The following PLD5 variants were observed in gnomAD, a reference collection of about 807,000 sequenced individuals.
PLD5 encodes the protein inactive phospholipase D5.
In PLD5, 36 loss-of-function variants were observed where a neutral mutation model predicts 61.1. The observed-to-expected ratio is 0.59, with a 90% confidence interval of 0.45 to 0.78. The LOEUF is 0.78. PLD5 is among the 30% of genes least tolerant of loss of function. The probability of loss-of-function intolerance (pLI) is 0.00; values close to 1 mark genes in which losing one functional copy is unlikely to be tolerated. For synonymous variants in PLD5, 243 were observed against 242.8 expected (o/e 1.00, Z -0.01); for missense variants, 515 against 644.4 (o/e 0.80, Z 2.17).
At chr1:242,450,302 G>A (rs1330813457) in intron 1 of PLD5, among the ~76,000 whole-genome samples, 5 of 152,068 alleles carry the variant, frequency 3.3e-5, no homozygotes, top group Non-Finnish European at 7.4e-5. Flanking sequence ...CCTTTCCTTC[G>A]CCACCTGTAA....
At chr1:242,458,614 G>A (rs927584178) in intron 1 of PLD5, among the ~76,000 whole-genome samples, 1 of 152,136 alleles carries the variant, frequency 6.6e-6, no homozygotes, top group African/African-American at 2.4e-5. Flanking sequence ...CTCAAAATAT[G>A]TATACTATCT....
At position 242,263,810 on chromosome 1, in the gene PLD5, A is replaced by T. The variant is rs549605224; in HGVS notation, c.607+1527T>A. On this transcript the variant is annotated intron_variant, in intron 4 of 9. Coordinates refer to ENST00000536534, the MANE Select transcript of PLD5 (RefSeq NM_001372062.1). ...CAATAGAAATGTAAACCAGGCCTTT[A>T]TTCGTGCATTTGTCAATCACTATTT... 2.0e-5 allele frequency among the ~76,000 whole-genome samples: 3 copies of T among 152,352 alleles called. No individual in the cohort carries two copies. The South Asian group carries it at 6.2e-4, about 32-fold the overall frequency.
At chr1:242,191,990 C>T (rs934549677) in intron 5 of PLD5, among the ~76,000 whole-genome samples, 9 of 152,210 alleles carry the variant, frequency 5.9e-5, no homozygotes, top group African/African-American at 2.2e-4. Context: ...CACTGCCAAA[C>T]AGGCAGACAG....
At chr1:242,497,769 C>A (rs1177213401) in intron 1 of PLD5, among the ~76,000 whole-genome samples, 1 of 152,214 alleles carries the variant, frequency 6.6e-6, no homozygotes, top group East Asian at 1.9e-4. Context: ...TGTGTCTCTT[C>A]ATTCAAGAAT....
rs77411136 is a variant in PLD5, at chr1:242,505,289, A to C, written c.189+18799T>G. On this transcript the variant is annotated intron_variant, in intron 1 of 9. Transcript: ENST00000536534. ...TATTCTGTTTTAAAGAGGACACAGC[A>C]ATGAGGAAATGGGTTTATTTGTAAC... Among the ~76,000 whole-genome samples the C allele has an allele frequency of 8.3e-3, 1,260 of 152,360 alleles. 20 individuals are homozygous for C. Among genetic ancestry groups the C allele is most frequent in the African/African-American group, 0.029 (1,189 of 41,590 alleles).
intron 1 of PLD5, among the ~76,000 whole-genome samples, chr1:242,513,017 A>G (rs771498774): frequency 6.6e-6 from 1 of 152,044 alleles, no homozygotes; most frequent in Non-Finnish European, 1.5e-5. Flanking sequence ...GACTACAGGC[A>G]TATAGACACG....
At chr1:242,376,296 G>C (rs879073355) in intron 1 of PLD5, among the ~76,000 whole-genome samples, 2 of 152,118 alleles carry the variant, frequency 1.3e-5, no homozygotes, top group Admixed American at 1.3e-4. Flanking sequence ...CGAGCAACCT[G>C]CAAGACTGCT....
intron 7 of PLD5, among the ~76,000 whole-genome samples, chr1:242,111,016 C>A (rs538482928): frequency 8.6e-5 from 13 of 151,562 alleles, no homozygotes; most frequent in African/African-American, 3.1e-4. Context: ...AGAAAGAGAG[C>A]TTGATTGCTA....
chr1:242,466,289 T>A (rs776609585), intron 1 of PLD5, among the ~76,000 whole-genome samples: 1 of 152,176 alleles, frequency 6.6e-6, no homozygotes, highest in Non-Finnish European at 1.5e-5. Context: ...AGCGCTGGCA[T>A]ACAGGAGATA....
At chr1:242,446,981 C>T (rs1276107708) in intron 1 of PLD5, among the ~76,000 whole-genome samples, 1 of 152,174 alleles carries the variant, frequency 6.6e-6, no homozygotes, top group African/African-American at 2.4e-5. Context: ...AAGCACAGAA[C>T]TCTGTGTGCC....
At chr1:242,189,444 T>TTA (rs1668104875) in intron 5 of PLD5, among the ~76,000 whole-genome samples, 1 of 42,860 alleles carries the variant, frequency 2.3e-5, no homozygotes, top group East Asian at 7.0e-4. Context: ...AGACTCCATC[T>TTA]CAAAAAAAAA....
intron 5 of PLD5, among the ~76,000 whole-genome samples, chr1:242,184,525 C>T (rs944709582): frequency 1.1e-4 from 16 of 152,120 alleles, no homozygotes; most frequent in South Asian, 6.2e-4. Flanking sequence ...CCCACCGCAA[C>T]GCCTGGTTAA....
chr1:242,436,035 A>G (rs1170907983), intron 1 of PLD5, among the ~76,000 whole-genome samples: 1 of 152,160 alleles, frequency 6.6e-6, no homozygotes, highest in African/African-American at 2.4e-5. Flanking sequence ...AGAGTATCCA[A>G]TAGCCTTCCC....
At chr1:242,296,116 C>T (rs527435197) in intron 2 of PLD5, among the ~76,000 whole-genome samples, 19 of 152,264 alleles carry the variant, frequency 1.2e-4, no homozygotes, top group African/African-American at 4.3e-4. Context: ...CAGTGACATG[C>T]TGTGCTCAAT....
At chr1:242,472,959 T>C (rs568295505) in intron 1 of PLD5, among the ~76,000 whole-genome samples, 1 of 152,162 alleles carries the variant, frequency 6.6e-6, no homozygotes, top group East Asian at 1.9e-4. Context: ...TTTTATTTTA[T>C]TTTCTTAATC....
chr1:242,194,356 T>C (rs1478171791), intron 5 of PLD5, among the ~76,000 whole-genome samples: 1 of 152,124 alleles, frequency 6.6e-6, no homozygotes, highest in East Asian at 1.9e-4. Context: ...TGGAAAACAG[T>C]GTGGAGATTC....
chr1:242,425,472 G>A (rs1283540472), intron 1 of PLD5, among the ~76,000 whole-genome samples: 2 of 152,140 alleles, frequency 1.3e-5, no homozygotes, highest in African/African-American at 4.8e-5. Flanking sequence ...TGCAGGACCG[G>A]AAGTTGCTCT....
At chr1:242,387,803 G>A (rs2028339) in intron 1 of PLD5, among the ~76,000 whole-genome samples, 133,018 of 151,158 alleles carry the variant, frequency 0.88, 58,879 homozygotes, top group Non-Finnish European at 0.93. Context: ...ACAGGAATTA[G>A]AAGGTAGCAA....
chr1:242,498,216 G>T (rs1668438076), intron 1 of PLD5, among the ~76,000 whole-genome samples: 1 of 152,180 alleles, frequency 6.6e-6, no homozygotes, highest in Non-Finnish European at 1.5e-5. Context: ...GCCCACCTTG[G>T]CCTCCCGAAG....
Sources: allele counts gnomAD v4.1 joint callset (sites outside exome capture counted in the v4.1 genomes callset), GRCh38; gene constraint gnomAD v4.1.1; transcripts MANE v1.5; gene names NCBI Gene and HGNC (gene_info 2026-07-23, HGNC 2026-07-21).